The following TRIM44 variants were observed in gnomAD, a reference collection of about 807,000 sequenced individuals.
TRIM44 encodes tripartite motif-containing protein 44.
A neutral mutation model predicts 37.4 loss-of-function variants in TRIM44; 13 were observed. The observed-to-expected ratio is 0.35, with a 90% CI of 0.23 to 0.55. The LOEUF is 0.55. Among genes scored for constraint, TRIM44 ranks in the 20% least tolerant of loss-of-function variants. The pLI is 0.89. For synonymous variants in TRIM44, 175 were observed against 157.2 expected, an observed-to-expected ratio of 1.11 and a Z score of -0.85; for missense variants, 426 against 437.2, an observed-to-expected ratio of 0.97 and a Z score of 0.23.
chr11:35,771,914 C>G (rs181551545), intron 4 of TRIM44, among the ~76,000 whole-genome samples: 1 of 152,128 alleles, frequency 6.6e-6, no homozygotes, highest in Non-Finnish European at 1.5e-5. Flanking sequence ...GAAAATATCT[C>G]CAAGGCTTGT....
At chr11:35,725,356 T>C (rs1647115705) in intron 2 of TRIM44, among the ~76,000 whole-genome samples, 1 of 152,144 alleles carries the variant, frequency 6.6e-6, no homozygotes, top group South Asian at 2.1e-4. Flanking sequence ...TGTTTTGAGA[T>C]GGAGACTTGC....
In TRIM44 at chr11:35,814,993, A is replaced by T. The variant is rs1287496863; in HGVS notation, c.*8608A>T. On this transcript the variant is annotated 3_prime_UTR_variant, in exon 5 of 5. Coordinates refer to ENST00000299413, the MANE Select transcript of TRIM44 (RefSeq NM_017583.6). ...ATTCTGGGCACTGCTCAGCTTGAGG[A>T]GGCAGGCATTGCTCCTTCATATTTC... is the stretch of plus-strand genomic sequence containing the variant. The T allele has an allele frequency of 1.3e-5, 2 of 152,128 alleles. No individual in the cohort carries two copies. Among genetic ancestry groups the T allele is most frequent in the African/African-American group, 2.4e-5 (1 of 41,434 alleles). The allele number at this position is 152,128 out of a possible 1,614,324, so 9.4% of individuals were successfully genotyped here.
At chr11:35,801,119 C>T (rs774815874) in intron 4 of TRIM44, among the ~76,000 whole-genome samples, 2 of 152,194 alleles carry the variant, frequency 1.3e-5, no homozygotes, top group Admixed American at 6.5e-5. Context: ...AGAAAGGTCC[C>T]TGGATCCGAG....
At chr11:35,736,930 A>G (rs1218770108) in intron 4 of TRIM44, among the ~76,000 whole-genome samples, 1 of 152,120 alleles carries the variant, frequency 6.6e-6, no homozygotes, top group Non-Finnish European at 1.5e-5. Flanking sequence ...CATCCTGGGT[A>G]TATCATGGTG....
At chr11:35,767,380 C>A (rs547431575) in intron 4 of TRIM44, among the ~76,000 whole-genome samples, 1 of 152,194 alleles carries the variant, frequency 6.6e-6, no homozygotes, top group Admixed American at 6.5e-5. Context: ...TACAAGATCA[C>A]CTTACCTGGC....
intron 4 of TRIM44, among the ~76,000 whole-genome samples, chr11:35,763,074 C>T (rs1473201251): frequency 2.0e-5 from 3 of 152,144 alleles, no homozygotes; most frequent in African/African-American, 7.2e-5. Context: ...ACTACATGTC[C>T]ACTCTGGATC....
chr11:35,785,810 C>T (rs1404633238), intron 4 of TRIM44, among the ~76,000 whole-genome samples: 1 of 152,200 alleles, frequency 6.6e-6, no homozygotes, highest in Non-Finnish European at 1.5e-5. Context: ...CCTCCTAAAA[C>T]GTTCAAGGTT....
At chr11:35,687,679 C>G (rs1440972509) in intron 2 of TRIM44, among the ~76,000 whole-genome samples, 1 of 152,138 alleles carries the variant, frequency 6.6e-6, no homozygotes, top group Non-Finnish European at 1.5e-5. Context: ...GCATGTAGTG[C>G]TTCTGATGGA....
At chr11:35,679,634 A>G (rs900830794) in intron 1 of TRIM44, among the ~76,000 whole-genome samples, 1 of 152,218 alleles carries the variant, frequency 6.6e-6, no homozygotes, top group African/African-American at 2.4e-5. Flanking sequence ...TTTCTGCTAT[A>G]TGGGAATGGG....
At chr11:35,712,909 C>T (rs528341747) in intron 2 of TRIM44, among the ~76,000 whole-genome samples, 13 of 152,196 alleles carry the variant, frequency 8.5e-5, no homozygotes, top group African/African-American at 3.1e-4. Context: ...TCTCCTGTCC[C>T]CCTCCTTCCT....
chr11:35,695,563 A>AT (rs1851686838), intron 2 of TRIM44, among the ~76,000 whole-genome samples: 1 of 152,128 alleles, frequency 6.6e-6, no homozygotes, highest in South Asian at 2.1e-4. Flanking sequence ...AGAAACCTGT[A>AT]TTTAAGAGTG....
At chr11:35,805,099 AC>A (rs1304245057) in intron 4 of TRIM44, among the ~76,000 whole-genome samples, 3 of 152,280 alleles carry the variant, frequency 2.0e-5, no homozygotes, top group Admixed American at 2.0e-4. Flanking sequence ...CTGAAACTAA[AC>A]CTTGAGTTTT....
intron 1 of TRIM44, among the ~76,000 whole-genome samples, chr11:35,672,664 T>C (rs1851409347): frequency 6.6e-6 from 1 of 152,118 alleles, no homozygotes; most frequent in South Asian, 2.1e-4. Flanking sequence ...AGGATATAGC[T>C]GTGATTCTCG....
At chr11:35,725,322 G>A (rs1002455584) in intron 2 of TRIM44, among the ~76,000 whole-genome samples, 1 of 151,974 alleles carries the variant, frequency 6.6e-6, no homozygotes, top group African/African-American at 2.4e-5. Flanking sequence ...TTGGGGCGGA[G>A]AGGAAGAATT....
intron 1 of TRIM44, among the ~76,000 whole-genome samples, chr11:35,670,806 G>A (rs1851385362): frequency 6.6e-6 from 1 of 152,170 alleles, no homozygotes; most frequent in African/African-American, 2.4e-5. Flanking sequence ...GTGTTTGAAG[G>A]AATTGTAAAG....
chr11:35,769,364 T>C (rs1426677016), intron 4 of TRIM44, among the ~76,000 whole-genome samples: 2 of 152,248 alleles, frequency 1.3e-5, no homozygotes, highest in African/African-American at 4.8e-5. Context: ...AGCCACATTC[T>C]CATCAGTTCA....
At chr11:35,788,028 C>G (rs1031362341) in intron 4 of TRIM44, among the ~76,000 whole-genome samples, 7 of 152,190 alleles carry the variant, frequency 4.6e-5, no homozygotes, top group African/African-American at 1.7e-4. Flanking sequence ...GATTAGGCTA[C>G]TTCTAACTCA....
intron 4 of TRIM44, among the ~76,000 whole-genome samples, chr11:35,759,043 G>C (rs1852687141): frequency 6.6e-6 from 1 of 152,086 alleles, no homozygotes; most frequent in Non-Finnish European, 1.5e-5. Context: ...TTGAATGTTG[G>C]CCTGCCTTGC....
intron 1 of TRIM44, among the ~76,000 whole-genome samples, chr11:35,670,946 C>G (rs1242501346): frequency 6.6e-6 from 1 of 152,150 alleles, no homozygotes; most frequent in East Asian, 1.9e-4. Flanking sequence ...AGTTTCAGTT[C>G]TCTGGTTTTA....
Sources: allele counts gnomAD v4.1 joint callset (sites outside exome capture counted in the v4.1 genomes callset), GRCh38; gene constraint gnomAD v4.1.1; transcripts MANE v1.5; gene names NCBI Gene and HGNC (gene_info 2026-07-23, HGNC 2026-07-21).